Variants in FAM3C observed in about 807,000 individuals in gnomAD.
The protein encoded by FAM3C is protein FAM3C.
A neutral mutation model predicts 32.5 loss-of-function variants in FAM3C; 15 were observed. The ratio of observed to expected loss-of-function variants is 0.46; its 90% CI spans 0.31 to 0.71. FAM3C has a LOEUF of 0.71. Among genes scored for constraint, FAM3C ranks in the 30% least tolerant of loss-of-function variants. The probability of loss-of-function intolerance (pLI) is 0.05; values close to 1 mark genes in which losing one functional copy is unlikely to be tolerated. For missense variants in FAM3C, 175 were observed against 274.4 expected, an observed-to-expected ratio of 0.64 and a Z score of 2.56; for synonymous variants, 75 against 86.1, an observed-to-expected ratio of 0.87 and a Z score of 0.72.
intron 7 of FAM3C, among the ~76,000 whole-genome samples, chr7:121,361,665 AAAT>A (rs1230842512): frequency 2.6e-5 from 4 of 152,166 alleles, no homozygotes; most frequent in Non-Finnish European, 1.5e-5. Context: ...TTTAATAACA[AAAT>A]AATACACGGC....
At chr7:121,379,158 T>C (rs1463325251) in intron 2 of FAM3C, 144 bp from the exon 3 acceptor site, 33 of 542,640 alleles carry the variant, frequency 6.1e-5, no homozygotes, top group Non-Finnish European at 1.1e-4. Flanking sequence ...ATGAGATACA[T>C]AAAAATTATA....
intron 8 of FAM3C, among the ~76,000 whole-genome samples, chr7:121,358,952 G>A (rs1486261246): frequency 6.6e-6 from 1 of 151,234 alleles, no homozygotes; most frequent in Admixed American, 6.6e-5. Flanking sequence ...CAACTCGAAT[G>A]GTCAAAAGAC....
At chr7:121,351,012 G>T (rs1793692394) in intron 9 of FAM3C, 131 bp downstream of exon 9, 2 of 876,964 alleles carry the variant, frequency 2.3e-6, no homozygotes, top group South Asian at 4.2e-5. Flanking sequence ...TGATTACCAA[G>T]AATTTATGAC....
intron 1 of FAM3C, among the ~76,000 whole-genome samples, chr7:121,392,800 G>A (rs907115918): frequency 2.2e-4 from 34 of 152,196 alleles, no homozygotes; most frequent in African/African-American, 7.9e-4. Flanking sequence ...AATGCAGTAC[G>A]TATCAACGAA....
Position 121,349,997 on chromosome 7 carries a change from T to G in FAM3C, c.*464A>C, listed in dbSNP as rs1294311750. On this transcript the variant is annotated 3_prime_UTR_variant, in exon 10 of 10. Transcript: ENST00000359943. ...GGAGAGTCGGACTGTAAAGTAACAT[T>G]ACACACACAACTAGCCAAATCTCTT... 1 of 153,194 alleles carries G rather than the reference T, an allele frequency of 6.5e-6. No homozygotes were observed. Among genetic ancestry groups the G allele is most frequent in the African/African-American group, 2.7e-5 (1 of 37,386 alleles). The allele number at this position is 153,194 out of a possible 1,614,324, so 9.5% of individuals were successfully genotyped here.
At chr7:121,372,882 G>A (rs1336619254) in intron 3 of FAM3C, among the ~76,000 whole-genome samples, 1 of 152,114 alleles carries the variant, frequency 6.6e-6, no homozygotes, top group Non-Finnish European at 1.5e-5. Flanking sequence ...TTTTAGTTCT[G>A]TACTATTTTA....
intron 7 of FAM3C, among the ~76,000 whole-genome samples, chr7:121,362,471 A>T (rs1174449965): frequency 6.6e-6 from 1 of 152,070 alleles, no homozygotes; most frequent in Non-Finnish European, 1.5e-5. Flanking sequence ...GCTCCTAATG[A>T]TTTATTTTTG....
At chr7:121,367,655 A>G (rs1794049317) in intron 5 of FAM3C, among the ~76,000 whole-genome samples, 1 of 152,220 alleles carries the variant, frequency 6.6e-6, no homozygotes. Flanking sequence ...GATGAAAATT[A>G]TAATTGGAAC....
At chr7:121,377,877 T>G (rs1158444701) in intron 3 of FAM3C, among the ~76,000 whole-genome samples, 1 of 152,232 alleles carries the variant, frequency 6.6e-6, no homozygotes, top group Non-Finnish European at 1.5e-5. Context: ...CATCTAGATT[T>G]GTGTAAGTAC....
At chr7:121,376,126 G>A (rs1794234273) in intron 3 of FAM3C, among the ~76,000 whole-genome samples, 1 of 152,168 alleles carries the variant, frequency 6.6e-6, no homozygotes, top group Non-Finnish European at 1.5e-5. Flanking sequence ...TGGCTATCAG[G>A]TAGTAATAGA....
At chr7:121,371,566 CCT>C in intron 4 of FAM3C, 143 bp from the exon 5 acceptor site, 2 of 908,612 alleles carry the variant, frequency 2.2e-6, no homozygotes, top group Non-Finnish European at 3.2e-6. Context: ...AATTTGTTCC[CCT>C]GAGGGTTTCA....
chr7:121,378,188 G>A (rs929208494), intron 3 of FAM3C, among the ~76,000 whole-genome samples: 7 of 151,948 alleles, frequency 4.6e-5, no homozygotes, highest in South Asian at 2.1e-4. Flanking sequence ...TTTTATGAAC[G>A]TAAGGATTCT....
At chr7:121,358,719 T>A (rs1449041877) in intron 8 of FAM3C, among the ~76,000 whole-genome samples, 1 of 151,914 alleles carries the variant, frequency 6.6e-6, no homozygotes, top group Non-Finnish European at 1.5e-5. Flanking sequence ...GAAAATCTAC[T>A]AAATATCTAA....
At chr7:121,382,750 A>T (rs1182094411) in intron 2 of FAM3C, among the ~76,000 whole-genome samples, 1 of 151,744 alleles carries the variant, frequency 6.6e-6, no homozygotes, top group African/African-American at 2.4e-5. Flanking sequence ...TCAACAAAAG[A>T]CTTGAACAAA....
chr7:121,396,155 G>A lies in FAM3C; in HGVS notation c.-42+7C>T. ...CCCCGGCTCCGTCCGCCTCCCAGCC[G>A]TCTCACCGGCCTCCCGCCCGCCTCT... is the stretch of plus-strand genomic sequence containing the variant. On this transcript the variant is annotated splice_region_variant and intron_variant, in intron 1 of 9. Coordinates refer to ENST00000359943, the MANE Select transcript of FAM3C (RefSeq NM_014888.3). 1 of 153,956 alleles carries A rather than the reference G, an allele frequency of 6.5e-6. No individual in the cohort carries two copies. Among genetic ancestry groups the A allele is most frequent in the Non-Finnish European group, 1.4e-5 (1 of 69,580 alleles). 9.5% of individuals were successfully genotyped at this position (153,956 alleles called of 1,614,324 possible).
At chr7:121,356,300 C>T (rs2116874869) in intron 8 of FAM3C, among the ~76,000 whole-genome samples, 1 of 152,108 alleles carries the variant, frequency 6.6e-6, no homozygotes, top group African/African-American at 2.4e-5. Context: ...CTAGAGAATG[C>T]CTAAGAAATA....
chr7:121,382,451 C>A (rs1794376314), intron 2 of FAM3C, among the ~76,000 whole-genome samples: 1 of 151,864 alleles, frequency 6.6e-6, no homozygotes, highest in Non-Finnish European at 1.5e-5. Context: ...AACTTTATAA[C>A]TCATTTTTCT....
Position 121,373,936 on chromosome 7 carries a change from TGGTGAGCCGA to T in FAM3C, c.119-1807_119-1798del, listed in dbSNP as rs1794194023. ...GCGTGAACCCGCGAGGTGGAGCTTG[TGGTGAGCCGA>T]GATTGTGCCACTGCTCTCCAGCCTG... On this transcript the variant is annotated intron_variant, in intron 3 of 9. Transcript: ENST00000359943. 1.4e-5 allele frequency among the ~76,000 whole-genome samples: 2 copies of T among 145,636 alleles called. 1 individual carries two copies.
chr7:121,387,699 C>T (rs1051679229), intron 1 of FAM3C, among the ~76,000 whole-genome samples: 3 of 151,978 alleles, frequency 2.0e-5, no homozygotes, highest in African/African-American at 7.2e-5. Flanking sequence ...ATTAATCTCA[C>T]TATATTACAC....
Sources: gnomAD v4.1 joint callset for allele counts (sites outside exome capture counted in the v4.1 genomes callset) on GRCh38, gnomAD v4.1.1 for gene constraint, MANE v1.5 for transcripts, NCBI Gene and HGNC (gene_info 2026-07-23, HGNC 2026-07-21) for gene names.